PEX5L: variants seen among roughly 807,000 people sequenced by gnomAD.
The protein encoded by PEX5L is peroxisomal biogenesis factor 5 like, also known as PEX5-related protein.
PEX5L carries 30 observed loss-of-function variants against 84.0 expected under a neutral mutation model. The ratio of observed to expected loss-of-function variants is 0.36; its 90% confidence interval spans 0.27 to 0.48. The LOEUF is 0.48. Ranked by LOEUF, PEX5L falls within the 20% of genes least tolerant of loss-of-function variation. The pLI is 0.99. For synonymous variants in PEX5L, 270 were observed against 283.1 expected, an observed-to-expected ratio of 0.95 and a Z score of 0.46; for missense variants, 533 against 754.6, an observed-to-expected ratio of 0.71 and a Z score of 3.44.
intron 8 of PEX5L, among the ~76,000 whole-genome samples, chr3:179,831,318 TA>T (rs58515903): frequency 0.026 from 3,116 of 119,526 alleles, 78 homozygotes; most frequent in African/African-American, 0.077. Context: ...AGACTCTGTC[TA>T]AAAAAAAAAA....
At chr3:180,035,901 A>G (rs903267765) in intron 1 of PEX5L, among the ~76,000 whole-genome samples, 1 of 152,200 alleles carries the variant, frequency 6.6e-6, no homozygotes, top group Non-Finnish European at 1.5e-5. Flanking sequence ...GGTTAAAGTA[A>G]TCTTGCCCAA....
chr3:179,813,916 T>A (rs1441160997), intron 10 of PEX5L, among the ~76,000 whole-genome samples: 1 of 151,276 alleles, frequency 6.6e-6, no homozygotes, highest in Non-Finnish European at 1.5e-5. Context: ...GACCTCATGA[T>A]CCACCCGCCT....
intron 8 of PEX5L, among the ~76,000 whole-genome samples, chr3:179,835,901 A>G (rs759957703): frequency 6.6e-6 from 1 of 152,194 alleles, no homozygotes; most frequent in Non-Finnish European, 1.5e-5. Flanking sequence ...ATATGAGAAA[A>G]CAATGATTTT....
chr3:179,805,204 A>G lies in PEX5L; in HGVS notation c.1676+2470T>C, dbSNP rs188107083. On this transcript the variant is annotated intron_variant, in intron 14 of 14. Transcript: ENST00000467460. ...GCACAAAATTCTTACCACTTCTCAGATTTCCCCCACCTGGCATGACAATAA... is the reference window on the plus strand; with the variant it reads ...GCACAAAATTCTTACCACTTCTCAGGTTTCCCCCACCTGGCATGACAATAA... 3.1e-4 allele frequency among the ~76,000 whole-genome samples: 41 copies of G among 132,124 alleles called. No individual in the cohort carries two copies. In the East Asian group the frequency reaches 5.0e-3, roughly 16 times the overall value. The allele number at this position is 132,124 out of a possible 152,430, so 86.7% of individuals were successfully genotyped here.
rs552643664 is a variant in PEX5L, at chr3:179,900,819, C to T, written c.94-2573G>A. 4.9e-5 allele frequency: 41 copies of T among 828,908 alleles called. No homozygotes were observed. The South Asian group carries it at 5.8e-4, about 12-fold the overall frequency. 51.3% of individuals were successfully genotyped at this position (828,908 alleles called of 1,614,324 possible). ...CCTTTTTTGGCTTTTGCGATAATACCCCATGAGCGTCACTGTTTTACAAGT... is the reference window on the plus strand; with the variant it reads ...CCTTTTTTGGCTTTTGCGATAATACTCCATGAGCGTCACTGTTTTACAAGT... On this transcript the variant is annotated intron_variant, in intron 2 of 14. Coordinates refer to ENST00000467460, the MANE Select transcript of PEX5L (RefSeq NM_016559.3).
At chr3:179,947,435 T>C (rs1426957476) in intron 2 of PEX5L, among the ~76,000 whole-genome samples, 3 of 152,104 alleles carry the variant, frequency 2.0e-5, no homozygotes, top group South Asian at 4.1e-4. Context: ...CTATCTTTGT[T>C]TTTCAGCCAA....
intron 10 of PEX5L, 123 bp from the exon 11 acceptor site, chr3:179,811,994 T>C (rs1724084575): frequency 1.4e-6 from 1 of 731,136 alleles, no homozygotes; most frequent in South Asian, 1.5e-5. Context: ...GTGAGCGCTA[T>C]ATAAAAGGGA....
At chr3:179,943,720 T>C (rs1776770206) in intron 2 of PEX5L, among the ~76,000 whole-genome samples, 1 of 152,198 alleles carries the variant, frequency 6.6e-6, no homozygotes, top group African/African-American at 2.4e-5. Context: ...TGTCATTATA[T>C]ATGAGAGAGA....
At chr3:179,969,622 A>T (rs1476834529) in intron 2 of PEX5L, among the ~76,000 whole-genome samples, 1 of 152,088 alleles carries the variant, frequency 6.6e-6, no homozygotes, top group Non-Finnish European at 1.5e-5. Context: ...ACACCAAATA[A>T]ATCTTTCAAA....
intron 1 of PEX5L, among the ~76,000 whole-genome samples, chr3:180,015,120 C>G (rs576352227): frequency 5.3e-5 from 8 of 152,284 alleles, no homozygotes; most frequent in Non-Finnish European, 1.2e-4. Flanking sequence ...GCAGAAAGGG[C>G]TCTGTCTCAT....
At chr3:179,956,755 G>A (rs1780658074) in intron 2 of PEX5L, among the ~76,000 whole-genome samples, 1 of 152,170 alleles carries the variant, frequency 6.6e-6, no homozygotes, top group African/African-American at 2.4e-5. Context: ...AGGTTTTACG[G>A]AGCGACGCAA....
intron 1 of PEX5L, among the ~76,000 whole-genome samples, chr3:180,002,553 T>C (rs1355442225): frequency 3.3e-5 from 5 of 152,126 alleles, no homozygotes; most frequent in Non-Finnish European, 7.4e-5. Context: ...CAGTTGTAAA[T>C]TGTGTTTTGG....
chr3:179,931,544 TC>T (rs1260930542), intron 2 of PEX5L, among the ~76,000 whole-genome samples: 1 of 152,234 alleles, frequency 6.6e-6, no homozygotes, highest in Non-Finnish European at 1.5e-5. Context: ...ATACTTTTTT[TC>T]AAGATTATAA....
At chr3:179,901,653 C>T (rs375730942) in intron 2 of PEX5L, among the ~76,000 whole-genome samples, 1 of 152,136 alleles carries the variant, frequency 6.6e-6, no homozygotes, top group African/African-American at 2.4e-5. Context: ...ACTGGAAAAA[C>T]AATAACAACA....
intron 8 of PEX5L, among the ~76,000 whole-genome samples, chr3:179,829,604 C>T (rs962360427): frequency 2.0e-5 from 3 of 152,014 alleles, no homozygotes; most frequent in Admixed American, 2.0e-4. Context: ...AGTGCCCACC[C>T]GGGGGCGGCA....
intron 1 of PEX5L, among the ~76,000 whole-genome samples, chr3:180,025,549 A>C (rs543718523): frequency 2.0e-5 from 3 of 152,296 alleles, no homozygotes; most frequent in East Asian, 3.9e-4. Context: ...AACATCCTTA[A>C]TTCTGCATTG....
rs1374575457 is a variant in PEX5L at position 179,819,973 on chromosome 3, C to G, written c.826G>C (p.Asp276His). Residue 276 changes from aspartate to histidine, a missense_variant, in exon 9 of 15, where the codon GAT becomes CAT. Physicochemically the swap from Asp to His is moderately conservative, Grantham distance 81. Coordinates refer to ENST00000467460, the MANE Select transcript of PEX5L (RefSeq NM_016559.3). ...FERAKAAVESDTEFWDKMQAE... is the reference protein window; with the variant it reads ...FERAKAAVESHTEFWDKMQAE... ...TGCATCTTATCCCAAAACTCTGTAT[C>G]TGACTGGGAGACAGGAAAAATGAAT... 1 of 1,612,662 alleles carries G rather than the reference C, an allele frequency of 6.2e-7. No individual in the cohort carries two copies. Among genetic ancestry groups the G allele is most frequent in the African/African-American group, 1.3e-5 (1 of 74,950 alleles).
chr3:179,962,566 T>C (rs1782342478), intron 2 of PEX5L, among the ~76,000 whole-genome samples: 1 of 152,192 alleles, frequency 6.6e-6, no homozygotes, highest in African/African-American at 2.4e-5. Flanking sequence ...TAGAAATGGG[T>C]TCCATGGGAT....
intron 1 of PEX5L, among the ~76,000 whole-genome samples, chr3:180,030,276 C>T (rs1298726197): frequency 6.6e-6 from 1 of 152,178 alleles, no homozygotes; most frequent in Non-Finnish European, 1.5e-5. Context: ...CCTATGTGTG[C>T]ACAGTGTCAC....
Sources: gnomAD v4.1 joint callset for allele counts (sites outside exome capture counted in the v4.1 genomes callset) on GRCh38, gnomAD v4.1.1 for gene constraint, MANE v1.5 for transcripts, NCBI Gene and HGNC (gene_info 2026-07-23, HGNC 2026-07-21) for gene names.